Variants in DLGAP2 observed in about 807,000 individuals in gnomAD.
DLGAP2 encodes the protein disks large-associated protein 2.
Under a neutral mutation model 100.3 loss-of-function variants are expected in DLGAP2, and 26 were observed. That is an observed-to-expected ratio of 0.26 (90% confidence interval 0.19 to 0.36). The LOEUF (loss-of-function observed/expected upper bound fraction) is 0.36. Among genes scored for constraint, DLGAP2 ranks in the 10% least tolerant of loss-of-function variants. The pLI is 1.00. For synonymous variants in DLGAP2, 886 were observed against 630.1 expected (o/e 1.41, Z -6.08); for missense variants, 1,858 against 1,453.2 (o/e 1.28, Z -4.53).
At chr8:1,407,586 T>C (rs1796602121) in intron 3 of DLGAP2, among the ~76,000 whole-genome samples, 3 of 108,140 alleles carry the variant, frequency 2.8e-5, no homozygotes, top group African/African-American at 1.0e-4. Flanking sequence ...TATTGAGTGC[T>C]TACTGAGCGC....
intron 2 of DLGAP2, among the ~76,000 whole-genome samples, chr8:1,048,523 C>G (rs942386345): frequency 6.6e-6 from 1 of 151,708 alleles, no homozygotes; most frequent in African/African-American, 2.4e-5. Context: ...CCGCAAGGCC[C>G]CTGCTGTGCA....
intron 1 of DLGAP2, among the ~76,000 whole-genome samples, chr8:753,072 C>T (rs1820832933): frequency 6.6e-6 from 1 of 152,132 alleles, no homozygotes; most frequent in African/African-American, 2.4e-5. Context: ...CAAGTGTTAC[C>T]ATGTGTCTTG....
intron 2 of DLGAP2, among the ~76,000 whole-genome samples, chr8:1,096,977 T>C: frequency 6.9e-6 from 1 of 145,880 alleles, no homozygotes; most frequent in Non-Finnish European, 1.5e-5. Context: ...AGAGGACCCC[T>C]CCAGCGTGAG....
At chr8:847,586 C>A (rs1797094740) in intron 1 of DLGAP2, among the ~76,000 whole-genome samples, 6 of 152,104 alleles carry the variant, frequency 3.9e-5, no homozygotes, top group Non-Finnish European at 8.8e-5. Context: ...CAGCTCACTG[C>A]AGCCCTGCCT....
At chr8:974,455 C>G (rs994987355) in intron 2 of DLGAP2, among the ~76,000 whole-genome samples, 3 of 152,180 alleles carry the variant, frequency 2.0e-5, no homozygotes, top group African/African-American at 7.2e-5. Flanking sequence ...ACATTCCTCT[C>G]AAGCTTATAT....
At chr8:1,659,126 T>C (rs914924280) in intron 8 of DLGAP2, among the ~76,000 whole-genome samples, 3 of 152,232 alleles carry the variant, frequency 2.0e-5, no homozygotes, top group Non-Finnish European at 4.4e-5. Context: ...AGCAGATTGT[T>C]CAGTTTCCAT....
At chr8:1,533,058 A>G (rs1801035019) in intron 4 of DLGAP2, among the ~76,000 whole-genome samples, 1 of 151,544 alleles carries the variant, frequency 6.6e-6, no homozygotes, top group Non-Finnish European at 1.5e-5. Flanking sequence ...TGATTTATAG[A>G]TTCCCAAATG....
intron 2 of DLGAP2, among the ~76,000 whole-genome samples, chr8:1,074,984 A>T (rs982545533): frequency 2.0e-5 from 3 of 149,680 alleles, no homozygotes; most frequent in Non-Finnish European, 4.4e-5. Context: ...AGTGGTGACC[A>T]TGTCTCACCA....
intron 1 of DLGAP2, among the ~76,000 whole-genome samples, chr8:904,543 C>T (rs955593045): frequency 5.3e-5 from 8 of 152,290 alleles, no homozygotes; most frequent in East Asian, 1.9e-4. Flanking sequence ...CTGCATGTGA[C>T]GGCCCCAGTG....
chr8:800,386 C>T (rs1326196944), intron 1 of DLGAP2, among the ~76,000 whole-genome samples: 3 of 152,242 alleles, frequency 2.0e-5, no homozygotes, highest in African/African-American at 7.2e-5. Context: ...TAGATGTGGG[C>T]TGTTTGCACA....
At chr8:1,315,972 G>C (rs368832459) in intron 3 of DLGAP2, among the ~76,000 whole-genome samples, 4 of 135,576 alleles carry the variant, frequency 3.0e-5, no homozygotes, top group South Asian at 2.5e-4. Context: ...AAACTTCGCA[G>C]CTTTTAAAAA....
At chr8:1,558,285 G>A (rs556095513) in intron 5 of DLGAP2, among the ~76,000 whole-genome samples, 3 of 152,326 alleles carry the variant, frequency 2.0e-5, no homozygotes, top group Admixed American at 6.5e-5. Flanking sequence ...CTTAGATGGG[G>A]GTTTTGTACA....
chr8:1,386,987 T>C (rs1228636649), intron 3 of DLGAP2, among the ~76,000 whole-genome samples: 1 of 152,204 alleles, frequency 6.6e-6, no homozygotes, highest in Non-Finnish European at 1.5e-5. Flanking sequence ...CATTGAATAA[T>C]GTTTACCTAA....
intron 2 of DLGAP2, among the ~76,000 whole-genome samples, chr8:1,051,373 C>G (rs1446185471): frequency 1.3e-5 from 2 of 152,096 alleles, no homozygotes; most frequent in Admixed American, 1.3e-4. Context: ...TCGTTTTACC[C>G]TCAGATGCAG....
intron 5 of DLGAP2, chr8:1,565,459 C>G (rs1237123470): frequency 4.4e-6 from 2 of 459,580 alleles, no homozygotes; most frequent in Non-Finnish European, 7.6e-6. Flanking sequence ...CATGTTCTCA[C>G]TTTATCCATA....
intron 1 of DLGAP2, among the ~76,000 whole-genome samples, chr8:772,138 C>T (rs181330255): frequency 1.5e-4 from 23 of 152,200 alleles, no homozygotes; most frequent in Admixed American, 1.3e-3. Flanking sequence ...TGGGCTGAAG[C>T]GATTCTCCTG....
chr8:1,330,397 A>T (rs1295572745), intron 3 of DLGAP2, among the ~76,000 whole-genome samples: 2 of 140,164 alleles, frequency 1.4e-5, no homozygotes, highest in African/African-American at 5.5e-5. Context: ...CTTCACAGGG[A>T]CTAGTTCTGG....
At chr8:1,182,129 G>C (rs1198933549) in intron 2 of DLGAP2, among the ~76,000 whole-genome samples, 1 of 152,240 alleles carries the variant, frequency 6.6e-6, no homozygotes, top group African/African-American at 2.4e-5. Context: ...TCCGTGTTCT[G>C]TTCCTGAGGT....
intron 2 of DLGAP2, among the ~76,000 whole-genome samples, chr8:1,060,299 A>C (rs532286440): frequency 1.3e-5 from 2 of 150,684 alleles, no homozygotes; most frequent in Admixed American, 1.3e-4. Flanking sequence ...ATCCCCTCCC[A>C]AGGCGGGCTC....
Sources: gnomAD v4.1 joint callset for allele counts (sites outside exome capture counted in the v4.1 genomes callset) on GRCh38, gnomAD v4.1.1 for gene constraint, MANE v1.5 for transcripts, NCBI Gene and HGNC (gene_info 2026-07-23, HGNC 2026-07-21) for gene names.